Variants in GNG12 observed in about 807,000 individuals in gnomAD.
GNG12 encodes the protein G protein subunit gamma 12.
For synonymous variants in GNG12, 28 were observed against 29.7 expected (o/e 0.94, Z 0.19); for missense variants, 69 against 83.8 (o/e 0.82, Z 0.69).
intron 2 of GNG12, among the ~76,000 whole-genome samples, chr1:67,775,161 T>C (rs1646697709): frequency 6.6e-6 from 1 of 152,240 alleles, no homozygotes; most frequent in South Asian, 2.1e-4. Flanking sequence ...ATATTTATGA[T>C]TTATAATGTA....
chr1:67,808,328 C>T (rs1219525352), intron 1 of GNG12, among the ~76,000 whole-genome samples: 1 of 152,004 alleles, frequency 6.6e-6, no homozygotes, highest in African/African-American at 2.4e-5. Flanking sequence ...TGATAAAGAA[C>T]ATCTACAAAA....
At chr1:67,746,733 A>T (rs1314209141) in intron 2 of GNG12, among the ~76,000 whole-genome samples, 1 of 152,248 alleles carries the variant, frequency 6.6e-6, no homozygotes, top group Non-Finnish European at 1.5e-5. Context: ...CTTAAGACCC[A>T]GAGAGTATTA....
At chr1:67,819,178 G>A (rs549761307) in intron 1 of GNG12, among the ~76,000 whole-genome samples, 1 of 152,244 alleles carries the variant, frequency 6.6e-6, no homozygotes, top group Non-Finnish European at 1.5e-5. Context: ...TGGGGGCAGG[G>A]TGTCCAAGCT....
intron 1 of GNG12, among the ~76,000 whole-genome samples, chr1:67,788,508 A>G (rs960367047): frequency 7.1e-6 from 1 of 140,836 alleles, no homozygotes; most frequent in Non-Finnish European, 1.6e-5. Context: ...TAGTTTTTGT[A>G]TTTTTTTTTT....
At chr1:67,748,157 TG>T (rs765911621) in intron 2 of GNG12, among the ~76,000 whole-genome samples, 4 of 152,182 alleles carry the variant, frequency 2.6e-5, no homozygotes, top group Non-Finnish European at 5.9e-5. Flanking sequence ...CTTTCCTTTT[TG>T]TGGGGGCAGG....
intron 2 of GNG12, among the ~76,000 whole-genome samples, chr1:67,718,261 G>T (rs532614836): frequency 2.0e-5 from 3 of 152,102 alleles, no homozygotes; most frequent in African/African-American, 4.8e-5. Context: ...GGTCACAGAG[G>T]CCTCCTTTTG....
intron 2 of GNG12, among the ~76,000 whole-genome samples, chr1:67,734,693 C>T (rs1002232200): frequency 6.6e-6 from 1 of 152,192 alleles, no homozygotes; most frequent in East Asian, 1.9e-4. Flanking sequence ...GTTGCAGGAT[C>T]GTAGCTTACT....
intron 2 of GNG12, among the ~76,000 whole-genome samples, chr1:67,726,980 G>A (rs147914480): frequency 6.6e-6 from 1 of 152,282 alleles, no homozygotes; most frequent in East Asian, 1.9e-4. Flanking sequence ...AATTATACAT[G>A]TGACCCTGCA....
chr1:67,778,751 GTCCATGCT>G (rs539896636), intron 1 of GNG12, among the ~76,000 whole-genome samples: 21 of 152,238 alleles, frequency 1.4e-4, no homozygotes, highest in African/African-American at 4.8e-4. Flanking sequence ...TGCCTCCAGA[GTCCATGCT>G]TTTACCCACC....
intron 2 of GNG12, among the ~76,000 whole-genome samples, chr1:67,771,797 T>C (rs1380820896): frequency 6.6e-6 from 1 of 152,198 alleles, no homozygotes; most frequent in Admixed American, 6.5e-5. Flanking sequence ...ATTATAATCA[T>C]GTGTATAAAT....
At chr1:67,722,442 C>A (rs1182089272) in intron 2 of GNG12, among the ~76,000 whole-genome samples, 1 of 152,128 alleles carries the variant, frequency 6.6e-6, no homozygotes, top group Non-Finnish European at 1.5e-5. Flanking sequence ...GCACGATGGA[C>A]TGAGTCCTGC....
chr1:67,786,909 C>T (rs1646770782), intron 1 of GNG12, among the ~76,000 whole-genome samples: 1 of 144,922 alleles, frequency 6.9e-6, no homozygotes, highest in African/African-American at 2.6e-5. Context: ...TGCACTCCAG[C>T]CTAGGTAACA....
intron 2 of GNG12, among the ~76,000 whole-genome samples, chr1:67,768,367 T>C (rs1646653761): frequency 6.6e-6 from 1 of 152,220 alleles, no homozygotes; most frequent in South Asian, 2.1e-4. Flanking sequence ...AAAAATCACT[T>C]TTGATACTAT....
At chr1:67,766,148 A>ACACACACC (rs756645057) in intron 2 of GNG12, among the ~76,000 whole-genome samples, 108 of 133,774 alleles carry the variant, frequency 8.1e-4, no homozygotes, top group East Asian at 3.6e-3. Context: ...ACACACACAC[A>ACACACACC]CCCCTAAACA....
intron 3 of GNG12, among the ~76,000 whole-genome samples, chr1:67,706,656 CT>C (rs60300759): frequency 0.24 from 33,493 of 140,812 alleles, 4,921 homozygotes; most frequent in African/African-American, 0.45. Flanking sequence ...TCTTTTCTTT[CT>C]TTTTTTTTTT....
intron 2 of GNG12, among the ~76,000 whole-genome samples, chr1:67,711,728 G>C (rs1284672497): frequency 6.6e-6 from 1 of 152,180 alleles, no homozygotes; most frequent in African/African-American, 2.4e-5. Context: ...GGGGAGCTCA[G>C]AGAATGCCTC....
intron 1 of GNG12, among the ~76,000 whole-genome samples, chr1:67,790,510 C>G (rs1425925013): frequency 2.0e-5 from 3 of 152,182 alleles, no homozygotes; most frequent in East Asian, 1.9e-4. Context: ...ACTTCTGTGC[C>G]TATCCCTTTT....
rs1227762539 is a variant in GNG12, at chr1:67,704,990, T to C, written c.*461A>G. 6.5e-6 allele frequency: 1 copy of C among 153,198 alleles called. No individual in the cohort carries two copies. Among genetic ancestry groups the C allele is most frequent in the Non-Finnish European group, 1.5e-5 (1 of 68,816 alleles). 9.5% of individuals were successfully genotyped at this position (153,198 alleles called of 1,614,324 possible). A position where few individuals can be genotyped will look rare whatever the true frequency, so the allele number is the denominator to read the frequency against. ...ATAAGTGTATACACAAAGGCATATATATATACACACAAACACCCCTCTCTC... is the reference window on the plus strand; with the variant it reads ...ATAAGTGTATACACAAAGGCATATACATATACACACAAACACCCCTCTCTC... On this transcript the variant is annotated 3_prime_UTR_variant, in exon 4 of 4. Transcript: ENST00000370982.
chr1:67,806,945 T>G (rs1182184955), intron 1 of GNG12, among the ~76,000 whole-genome samples: 1 of 152,134 alleles, frequency 6.6e-6, no homozygotes, highest in Admixed American at 6.6e-5. Context: ...TATAATTGAC[T>G]TCTATAGACT....
Sources: gnomAD v4.1 joint callset for allele counts (sites outside exome capture counted in the v4.1 genomes callset) on GRCh38, gnomAD v4.1.1 for gene constraint, MANE v1.5 for transcripts, NCBI Gene and HGNC (gene_info 2026-07-23, HGNC 2026-07-21) for gene names.